The following FYTTD1 variants were observed in gnomAD, a reference collection of about 807,000 sequenced individuals.
FYTTD1 encodes the protein forty-two-three domain containing 1.
In FYTTD1, 22 loss-of-function variants were observed where a neutral mutation model predicts 40.9. That is an observed-to-expected ratio of 0.54 (90% CI 0.38 to 0.77). The LOEUF (loss-of-function observed/expected upper bound fraction) is 0.77, where lower values mean the gene tolerates loss of function less well. Ranked by LOEUF, FYTTD1 falls within the 30% of genes least tolerant of loss-of-function variation. The pLI is 0.00. For synonymous variants in FYTTD1, 140 were observed against 137.9 expected, an observed-to-expected ratio of 1.01 and a Z score of -0.10; for missense variants, 351 against 392.2, an observed-to-expected ratio of 0.90 and a Z score of 0.89.
At chr3:197,780,536 T>G (rs1730001259) in intron 8 of FYTTD1, among the ~76,000 whole-genome samples, 1 of 152,118 alleles carries the variant, frequency 6.6e-6, no homozygotes, top group Non-Finnish European at 1.5e-5. Context: ...TAGTATGATA[T>G]TAGGCATAGA....
At chr3:197,757,139 A>G (rs1056909619) in intron 2 of FYTTD1, among the ~76,000 whole-genome samples, 3 of 152,248 alleles carry the variant, frequency 2.0e-5, no homozygotes, top group Non-Finnish European at 4.4e-5. Flanking sequence ...GATTTGTTAA[A>G]TCTTCCAAAG....
rs1163967665 is a variant in FYTTD1, at chr3:197,749,968, A to G, written c.-4A>G. 2.6e-6 allele frequency: 4 copies of G among 1,567,664 alleles called. No homozygotes were observed. The highest frequency in any genetic ancestry group is 2.5e-5 in the East Asian group (1 of 39,228). On this transcript the variant is annotated 5_prime_UTR_variant, in exon 1 of 9. Coordinates refer to ENST00000241502, the MANE Select transcript of FYTTD1 (RefSeq NM_032288.7). ...CGCCCGCTCTCGGCGCGACGTCTCCAGCCATGAACCGGTTTGGTACCCGGT... is the reference window on the plus strand; with the variant it reads ...CGCCCGCTCTCGGCGCGACGTCTCCGGCCATGAACCGGTTTGGTACCCGGT...
intron 6 of FYTTD1, among the ~76,000 whole-genome samples, chr3:197,774,589 CGAT>C (rs1729816527): frequency 6.6e-6 from 1 of 151,180 alleles, no homozygotes; most frequent in Admixed American, 6.6e-5. Context: ...CAGCATAGCT[CGAT>C]GACCAGTGCA....
intron 1 of FYTTD1, among the ~76,000 whole-genome samples, chr3:197,754,476 A>G (rs894301844): frequency 6.6e-6 from 1 of 152,168 alleles, no homozygotes; most frequent in African/African-American, 2.4e-5. Flanking sequence ...CCTTCAAGTT[A>G]TATTTCCTTC....
At chr3:197,772,529 T>TA (rs55716272) in intron 4 of FYTTD1, among the ~76,000 whole-genome samples, 7 of 152,010 alleles carry the variant, frequency 4.6e-5, no homozygotes, top group Admixed American at 1.3e-4. Flanking sequence ...AACTTAAAAT[T>TA]AAAAAAAAGA....
intron 1 of FYTTD1, among the ~76,000 whole-genome samples, chr3:197,751,644 C>A (rs1041398382): frequency 2.0e-5 from 3 of 150,814 alleles, no homozygotes; most frequent in African/African-American, 7.3e-5. Context: ...CCCGCTCTCC[C>A]CCCCCGCAAA....
At chr3:197,780,364 C>T (rs1729996845) in intron 8 of FYTTD1, among the ~76,000 whole-genome samples, 1 of 152,146 alleles carries the variant, frequency 6.6e-6, no homozygotes, top group African/African-American at 2.4e-5. Context: ...ACAATCATTT[C>T]ATTCTCCTAA....
chr3:197,782,548 G>A lies in FYTTD1; in HGVS notation c.*639G>A, dbSNP rs978069030. ...GGTATTAGTCTTAGTTTAAAATGTT[G>A]GTGTTTAGAGACTGTAAATGCATAT... On this transcript the variant is annotated 3_prime_UTR_variant, in exon 9 of 9. Coordinates refer to ENST00000241502, the MANE Select transcript of FYTTD1 (RefSeq NM_032288.7). 14 of 152,106 alleles carry A rather than the reference G, an allele frequency of 9.2e-5. No individual in the cohort carries two copies. Among genetic ancestry groups the A allele is most frequent in the African/African-American group, 3.4e-4 (14 of 41,400 alleles). The allele number at this position is 152,106 out of a possible 1,614,324, so 9.4% of individuals were successfully genotyped here. A position where few individuals can be genotyped will look rare whatever the true frequency, so the allele number is the denominator to read the frequency against.
At chr3:197,752,628 G>T (rs1729095297) in intron 1 of FYTTD1, among the ~76,000 whole-genome samples, 1 of 151,286 alleles carries the variant, frequency 6.6e-6, no homozygotes, top group African/African-American at 2.4e-5. Context: ...CTATGGCTTG[G>T]TTATTTTTAT....
chr3:197,778,268 T>G (rs1253460075), intron 7 of FYTTD1, 70 bp from the exon 8 acceptor site: 15 of 1,261,996 alleles, frequency 1.2e-5, no homozygotes, highest in Non-Finnish European at 1.4e-5. Flanking sequence ...CAAGATGTCT[T>G]AAGTACCAAG....
chr3:197,760,077 A>G (rs1729333023), intron 2 of FYTTD1, among the ~76,000 whole-genome samples: 1 of 151,898 alleles, frequency 6.6e-6, no homozygotes, highest in African/African-American at 2.4e-5. Context: ...CTTCAGTGGT[A>G]GAACGTATAG....
rs192014267 is a variant in FYTTD1 at position 197,772,910 on chromosome 3, C to G, written c.498-493C>G. Among the ~76,000 whole-genome samples, 367 of 152,222 alleles carry G rather than the reference C, an allele frequency of 2.4e-3. 2 individuals carry two copies. Among genetic ancestry groups the G allele is most frequent in the African/African-American group, 8.1e-3 (338 of 41,528 alleles). On this transcript the variant is annotated intron_variant, in intron 4 of 8. Coordinates refer to ENST00000241502, the MANE Select transcript of FYTTD1 (RefSeq NM_032288.7). ...AGGTGTGAGCCATAATGCCTGGCCT[C>G]TATGGTTTATGTTAATACATAATGG...
intron 1 of FYTTD1, among the ~76,000 whole-genome samples, chr3:197,751,816 A>C (rs1729066709): frequency 6.6e-6 from 1 of 152,148 alleles, no homozygotes; most frequent in Non-Finnish European, 1.5e-5. Flanking sequence ...AGAGCACGGA[A>C]CCCAGAACCA....
In FYTTD1 at chr3:197,770,153, G is replaced by A. The variant is rs764144309; in HGVS notation, c.406G>A (p.Val136Met). 3.1e-6 allele frequency: 5 copies of A among 1,608,224 alleles called. No homozygotes were observed. Among genetic ancestry groups the A allele is most frequent in the South Asian group, 1.1e-5 (1 of 90,330 alleles). ...ATAGAATATAGAACAATATTTTCCA[G>A]TGTTAAAAAGGAAGGCAAACCTTCT... ...SDKNIEQYFP[V>M]LKRKANLLRQ... The change falls in exon 4 of 9, where the codon GTG becomes ATG. Residue 136 changes from valine to methionine, a missense_variant. Transcript: ENST00000241502.
At chr3:197,772,107 A>G (rs151311328) in intron 4 of FYTTD1, among the ~76,000 whole-genome samples, 90 of 152,286 alleles carry the variant, frequency 5.9e-4, no homozygotes, top group African/African-American at 2.1e-3. Context: ...AATAAAAATA[A>G]AAAAACAAAA....
chr3:197,749,785 G>T, upstream of FYTTD1: 1 of 541,766 alleles, frequency 1.8e-6, no homozygotes, highest in Non-Finnish European at 3.3e-6. Context: ...GAGTCACGGC[G>T]CGGGGCCGCT....
chr3:197,765,609 C>A lies in FYTTD1; in HGVS notation c.236-2830C>A, dbSNP rs540238722. Among the ~76,000 whole-genome samples, 3 of 152,152 alleles carry A rather than the reference C, an allele frequency of 2.0e-5. No individual in the cohort carries two copies. The East Asian group carries it at 5.8e-4, about 29-fold the overall frequency. On this transcript the variant is annotated intron_variant, in intron 2 of 8. Coordinates refer to ENST00000241502, the MANE Select transcript of FYTTD1 (RefSeq NM_032288.7). The stretch of plus-strand genomic sequence containing the variant: ...AGCCGTGGTGGCTCACGCCTGTAAC[C>A]CCAGCACTTTGGGAAGTTGAGGCAG...
In FYTTD1 at chr3:197,774,194, G is replaced by C; in HGVS notation, c.640G>C (p.Ala214Pro). 1 of 1,613,934 alleles carries C rather than the reference G, an allele frequency of 6.2e-7. No individual in the cohort carries two copies. The change falls in exon 6 of 9, where the codon GCA (alanine) becomes CCA (proline). Residue 214 changes from alanine (A) to proline (P), a missense_variant. Ala to Pro is a conservative substitution (Grantham distance 27). Coordinates refer to ENST00000241502, the MANE Select transcript of FYTTD1 (RefSeq NM_032288.7). ...AGAACAACTGCTAGACGATGTAGTA[G>C]CAAAGAGAACTCGTCAGTAAGTTTC... is the stretch of plus-strand genomic sequence containing the variant. ...NTEQLLDDVV[A>P]KRTRQWRTST...
At chr3:197,770,396 G>GTA in intron 4 of FYTTD1, 152 bp downstream of exon 4, 1 of 625,450 alleles carries the variant, frequency 1.6e-6, no homozygotes, top group Non-Finnish European at 2.9e-6. Context: ...CCACATGGAT[G>GTA]TATCCAGTAA....
Sources: allele counts gnomAD v4.1 joint callset (sites outside exome capture counted in the v4.1 genomes callset), GRCh38; gene constraint gnomAD v4.1.1; transcripts MANE v1.5; gene names NCBI Gene and HGNC (gene_info 2026-07-23, HGNC 2026-07-21).